Variants in DOCK8 observed in about 807,000 individuals in gnomAD.
DOCK8 encodes the protein dedicator of cytokinesis protein 8.
Under a neutral mutation model 245.6 loss-of-function variants are expected in DOCK8, and 141 were observed. The ratio of observed to expected loss-of-function variants is 0.57; its 90% CI spans 0.50 to 0.66. DOCK8 has a LOEUF of 0.66. Among genes scored for constraint, DOCK8 ranks in the 30% least tolerant of loss-of-function variants. The probability of loss-of-function intolerance (pLI) is 0.00; values close to 1 mark genes in which losing one functional copy is unlikely to be tolerated. For synonymous variants in DOCK8, 1,168 were observed against 970.2 expected, an observed-to-expected ratio of 1.20 and a Z score of -3.79; for missense variants, 2,965 against 2,603.4, an observed-to-expected ratio of 1.14 and a Z score of -3.02.
At chr9:452,333 C>G (rs890964480) in intron 46 of DOCK8, among the ~76,000 whole-genome samples, 1 of 152,104 alleles carries the variant, frequency 6.6e-6, no homozygotes, top group Non-Finnish European at 1.5e-5. Context: ...AGTTTGAGGA[C>G]CACTGCAGCA....
At chr9:407,196 A>C (rs2055472539) in intron 28 of DOCK8, 127 bp downstream of exon 28, 1 of 1,409,212 alleles carries the variant, frequency 7.1e-7, no homozygotes, top group Non-Finnish European at 9.8e-7. Context: ...TGAGGAGTAG[A>C]AACATCTGTC....
chr9:326,648 G>C (rs73639050), intron 8 of DOCK8, among the ~76,000 whole-genome samples: 93 of 152,332 alleles, frequency 6.1e-4, no homozygotes, highest in African/African-American at 2.1e-3. Context: ...TAACCATCCA[G>C]GGTGGGAGGA....
rs192462853 is a variant in DOCK8, at chr9:463,961, T to G, written c.6240-198T>G. On this transcript the variant is annotated intron_variant, in intron 47 of 47. Transcript: ENST00000432829. ...TGGCCTGTGTTGGTTTTTTTGTTTG[T>G]TTGGTTGGTTTGTATGTTTGTTTTG... Among the ~76,000 whole-genome samples the G allele has an allele frequency of 2.5e-4, 38 of 152,320 alleles. No homozygotes were observed. The East Asian group carries it at 5.2e-3, about 21-fold the overall frequency.
chr9:373,900 C>A (rs753752296), intron 18 of DOCK8, among the ~76,000 whole-genome samples: 99 of 152,316 alleles, frequency 6.5e-4, no homozygotes, highest in Non-Finnish European at 1.2e-3. Flanking sequence ...AAGTTGCACA[C>A]TCTAATTTCT....
At chr9:430,068 T>C (rs1239632834) in intron 36 of DOCK8, among the ~76,000 whole-genome samples, 1 of 152,152 alleles carries the variant, frequency 6.6e-6, no homozygotes, top group Admixed American at 6.6e-5. Context: ...TCTCTATCAG[T>C]GTGTTTCTAA....
chr9:345,102 T>C (rs1563945916), intron 14 of DOCK8, among the ~76,000 whole-genome samples: 1 of 152,212 alleles, frequency 6.6e-6, no homozygotes. Context: ...TATTTCTTAA[T>C]TGAAGAAATC....
At chr9:381,731 G>C (rs1307479007) in intron 21 of DOCK8, among the ~76,000 whole-genome samples, 2 of 152,158 alleles carry the variant, frequency 1.3e-5, no homozygotes, top group African/African-American at 4.8e-5. Flanking sequence ...AGGCCAAGGT[G>C]AGCAGATCAC....
chr9:247,608 A>G (rs978257958), intron 1 of DOCK8, among the ~76,000 whole-genome samples: 2 of 152,056 alleles, frequency 1.3e-5, no homozygotes, highest in African/African-American at 4.8e-5. Context: ...ATCTCGGCTC[A>G]CTGCAAGCTC....
intron 14 of DOCK8, among the ~76,000 whole-genome samples, chr9:354,985 C>G (rs908499964): frequency 6.6e-6 from 1 of 152,106 alleles, no homozygotes; most frequent in African/African-American, 2.4e-5. Context: ...GAGAGGATTT[C>G]ACAGAGCAAG....
chr9:326,859 A>G (rs1038267792), intron 8 of DOCK8, among the ~76,000 whole-genome samples: 3 of 152,074 alleles, frequency 2.0e-5, no homozygotes, highest in Non-Finnish European at 2.9e-5. Context: ...TCACATGATC[A>G]CCCCTCATTG....
At chr9:427,920 G>C (rs556546908) in intron 34 of DOCK8, among the ~76,000 whole-genome samples, 5 of 152,244 alleles carry the variant, frequency 3.3e-5, no homozygotes, top group African/African-American at 1.2e-4. Context: ...GAAACCTTTT[G>C]TTATTATCCT....
In DOCK8 at chr9:382,632, G is replaced by T; in HGVS notation, c.2725G>T (p.Ala909Ser). The T allele has an allele frequency of 6.2e-7, 1 of 1,614,112 alleles. No homozygotes were observed. Among genetic ancestry groups the T allele is most frequent in the Non-Finnish European group, 8.5e-7 (1 of 1,180,026 alleles). The change falls in exon 22 of 48, where the codon GCG becomes TCG. Residue 909 changes from alanine to serine, a missense_variant. Physicochemically the swap from Ala to Ser is moderately conservative, Grantham distance 99 (BLOSUM62 1). This residue lies in a region of DOCK8 where 2,825 missense variants were observed against 2,453.5 expected (regional missense o/e 1.15). Transcript: ENST00000432829. ...GATGAGCAGCAGTAACCCAGACCTC[G>T]CGGGGACACACTCCGCAGCAGACGA... ...RVMSSSNPDL[A>S]GTHSAADEEV...
intron 13 of DOCK8, 77 bp downstream of exon 13, chr9:339,176 A>C (rs951580250): frequency 3.3e-6 from 4 of 1,225,306 alleles, no homozygotes; most frequent in Admixed American, 3.6e-5. Context: ...GTCTAATGCC[A>C]GAATTTATAA....
intron 14 of DOCK8, among the ~76,000 whole-genome samples, chr9:346,315 G>A (rs939761220): frequency 6.6e-6 from 1 of 151,762 alleles, no homozygotes; most frequent in Non-Finnish European, 1.5e-5. Flanking sequence ...TGGTACTAGA[G>A]ACACCAGCTG....
chr9:228,709 AACAAAC>A (rs2047040365), intron 1 of DOCK8, among the ~76,000 whole-genome samples: 1 of 152,160 alleles, frequency 6.6e-6, no homozygotes, highest in Non-Finnish European at 1.5e-5. Flanking sequence ...CTGGGAAACT[AACAAAC>A]CACCCCAAAG....
In DOCK8 at chr9:405,089, T is replaced by C. The variant is rs1209150881; in HGVS notation, c.3390+16T>C. 3 of 1,607,138 alleles carry C rather than the reference T, an allele frequency of 1.9e-6. No homozygotes were observed. The highest frequency in any genetic ancestry group is 3.3e-5 in the Admixed American group (2 of 59,974). Reference sequence around the variant, plus strand: ...ATCTTCCCAGGTAATAAAAGAATTATTTAACTAAAAGAATTATTCAAGCTA... The same window carrying C: ...ATCTTCCCAGGTAATAAAAGAATTACTTAACTAAAAGAATTATTCAAGCTA... On this transcript the variant is annotated intron_variant, in intron 27 of 47. Transcript: ENST00000432829.
At chr9:454,159 T>C (rs1045530166) in intron 46 of DOCK8, 1 of 152,218 alleles carries the variant, frequency 6.6e-6, no homozygotes, top group Non-Finnish European at 1.5e-5. Flanking sequence ...GTCTTGACTA[T>C]ATACGTGGAA....
At chr9:228,783 G>C (rs1388999234) in intron 1 of DOCK8, among the ~76,000 whole-genome samples, 1 of 152,092 alleles carries the variant, frequency 6.6e-6, no homozygotes, top group Non-Finnish European at 1.5e-5. Context: ...TGGCAATTTG[G>C]GCTGGGCTCA....
intron 14 of DOCK8, among the ~76,000 whole-genome samples, chr9:354,484 CTGT>C (rs1257906847): frequency 6.6e-6 from 1 of 151,942 alleles, no homozygotes; most frequent in Non-Finnish European, 1.5e-5. Flanking sequence ...TTATCTATTG[CTGT>C]ATAACAAAAC....
Sources: gnomAD v4.1 joint callset for allele counts (sites outside exome capture counted in the v4.1 genomes callset) on GRCh38, gnomAD v4.1.1 for gene constraint, gnomAD v4.1.1 regional missense constraint, MANE v1.5 for transcripts, NCBI Gene and HGNC (gene_info 2026-07-23, HGNC 2026-07-21) for gene names.